Variants in MAML3 observed in about 807,000 individuals in gnomAD.
The protein encoded by MAML3 is mastermind-like protein 3.
MAML3 carries 27 observed loss-of-function variants against 101.9 expected under a neutral mutation model. The ratio of observed to expected loss-of-function variants is 0.27; its 90% CI spans 0.20 to 0.37. The LOEUF is 0.37. MAML3 is among the 10% of genes least tolerant of loss of function. MAML3 has a pLI of 1.00. For missense variants in MAML3, 1,316 were observed against 1,444.9 expected, an observed-to-expected ratio of 0.91 and a Z score of 1.45; for synonymous variants, 501 against 555.9, an observed-to-expected ratio of 0.90 and a Z score of 1.39.
At chr4:140,070,962 G>A (rs546126514) in intron 1 of MAML3, among the ~76,000 whole-genome samples, 1 of 152,298 alleles carries the variant, frequency 6.6e-6, no homozygotes, top group African/African-American at 2.4e-5. Context: ...GCAATGTGGC[G>A]CTGGGGTCTT....
chr4:139,730,329 G>T, intron 3 of MAML3, 87 bp downstream of exon 3: 1 of 1,200,424 alleles, frequency 8.3e-7, no homozygotes, highest in South Asian at 1.4e-5. Flanking sequence ...TGGAGGATGT[G>T]AACTGCCACT....
intron 2 of MAML3, among the ~76,000 whole-genome samples, chr4:139,755,656 AAGAAAG>A: frequency 6.6e-6 from 1 of 152,178 alleles, no homozygotes; most frequent in East Asian, 1.9e-4. Context: ...ACAGCAGAAA[AAGAAAG>A]AGAAAGAGTG....
intron 2 of MAML3, among the ~76,000 whole-genome samples, chr4:139,819,967 C>T (rs1263352273): frequency 6.6e-6 from 1 of 152,186 alleles, no homozygotes; most frequent in Non-Finnish European, 1.5e-5. Context: ...CTCATTCAGG[C>T]AATGGTGCTG....
chr4:139,860,816 G>T (rs979904043), intron 2 of MAML3, among the ~76,000 whole-genome samples: 1 of 152,042 alleles, frequency 6.6e-6, no homozygotes. Flanking sequence ...TGTGGTGGAC[G>T]GATACTGCTC....
intron 1 of MAML3, among the ~76,000 whole-genome samples, chr4:140,070,358 G>A (rs1727628526): frequency 2.0e-5 from 3 of 152,172 alleles, no homozygotes; most frequent in Admixed American, 2.0e-4. Context: ...GAGGCCTACA[G>A]ACAATCTCAT....
chr4:140,134,435 C>G (rs1728848982), intron 1 of MAML3: 1 of 455,968 alleles, frequency 2.2e-6, no homozygotes, highest in Non-Finnish European at 4.4e-6. Context: ...AATGCTACAG[C>G]AAGTGCATAT....
intron 1 of MAML3, among the ~76,000 whole-genome samples, chr4:139,918,551 C>T (rs528137340): frequency 4.2e-4 from 64 of 152,298 alleles, no homozygotes; most frequent in African/African-American, 1.4e-3. Context: ...TTATCGTGTC[C>T]TTCTGTTTTG....
intron 1 of MAML3, among the ~76,000 whole-genome samples, chr4:139,998,919 T>TG (rs968369890): frequency 1.3e-5 from 2 of 152,208 alleles, no homozygotes; most frequent in Non-Finnish European, 2.9e-5. Context: ...GGCCAATGAT[T>TG]GGACACAAAT....
chr4:140,134,561 G>T, intron 1 of MAML3: 1 of 347,304 alleles, frequency 2.9e-6, no homozygotes, highest in Non-Finnish European at 5.7e-6. Context: ...CCCTTGCAGA[G>T]CCCAGTGTTA....
At chr4:139,756,686 C>T (rs1729657696) in intron 2 of MAML3, among the ~76,000 whole-genome samples, 2 of 152,188 alleles carry the variant, frequency 1.3e-5, no homozygotes, top group Admixed American at 1.3e-4. Flanking sequence ...GCACCTTCCC[C>T]CTACATTCTC....
intron 1 of MAML3, among the ~76,000 whole-genome samples, chr4:139,930,128 T>G (rs1418585171): frequency 1.3e-5 from 2 of 152,156 alleles, no homozygotes; most frequent in Non-Finnish European, 2.9e-5. Context: ...CCCACAGAAT[T>G]ATAGATAATT....
In MAML3 at chr4:139,720,041, G is replaced by A. The variant is rs747826546; in HGVS notation, c.2699C>T (p.Pro900Leu). Residue 900 changes from proline (P) to leucine (L), a missense_variant, in exon 5 of 5, where the codon CCG (proline) becomes CTG (leucine). Physicochemically the swap from Pro to Leu is moderately conservative, Grantham distance 98. Transcript: ENST00000509479. Reference sequence around the variant, plus strand: ...CCCCTGCCCAGAGGCAGGTTGCCTCGGTCCCTGGGCTTGGTTATGTGTGAT... The same window carrying A: ...CCCCTGCCCAGAGGCAGGTTGCCTCAGTCCCTGGGCTTGGTTATGTGTGAT... ...MSITHNQAQGPRQPASGQGVG... is the reference protein window; with the variant it reads ...MSITHNQAQGLRQPASGQGVG... 2.5e-5 allele frequency: 41 copies of A among 1,613,944 alleles called. No individual in the cohort carries two copies. Among genetic ancestry groups the A allele is most frequent in the Admixed American group, 1.5e-4 (9 of 60,016 alleles).
chr4:140,135,952 A>G (rs1033983124), intron 1 of MAML3, among the ~76,000 whole-genome samples: 1 of 152,166 alleles, frequency 6.6e-6, no homozygotes, highest in African/African-American at 2.4e-5. Context: ...TTTTCATAAC[A>G]AAGAGTAATG....
intron 4 of MAML3, 39 bp downstream of exon 4, chr4:139,725,712 C>T (rs1579362784): frequency 1.1e-5 from 17 of 1,589,860 alleles, no homozygotes; most frequent in Non-Finnish European, 1.3e-5. Flanking sequence ...CGCTTCACCA[C>T]TGGAAGGTAT....
At chr4:139,905,482 ACT>A (rs1437522882) in intron 1 of MAML3, among the ~76,000 whole-genome samples, 1 of 105,612 alleles carries the variant, frequency 9.5e-6, no homozygotes, top group Non-Finnish European at 1.8e-5. Context: ...GCAGAGCAAG[ACT>A]CTGTCTCAAA....
intron 1 of MAML3, among the ~76,000 whole-genome samples, chr4:140,081,097 T>C (rs1239030216): frequency 6.6e-6 from 1 of 152,188 alleles, no homozygotes; most frequent in Non-Finnish European, 1.5e-5. Flanking sequence ...TTACTTTCTG[T>C]TTGAATATCT....
At chr4:139,962,874 G>A (rs1185778932) in intron 1 of MAML3, among the ~76,000 whole-genome samples, 1 of 151,078 alleles carries the variant, frequency 6.6e-6, no homozygotes, top group Non-Finnish European at 1.5e-5. Flanking sequence ...CTTGTTACAT[G>A]GGGGAATGCC....
At chr4:139,974,130 G>T (rs946881296) in intron 1 of MAML3, among the ~76,000 whole-genome samples, 1 of 140,856 alleles carries the variant, frequency 7.1e-6, no homozygotes, top group African/African-American at 2.7e-5. Context: ...TTTTGAGACA[G>T]AGTCTCGCTC....
intron 2 of MAML3, among the ~76,000 whole-genome samples, chr4:139,750,550 C>G (rs1351453565): frequency 6.6e-6 from 1 of 152,166 alleles, no homozygotes; most frequent in Non-Finnish European, 1.5e-5. Context: ...TGAGCTGTAT[C>G]TGAACCATAT....
Sources: gnomAD v4.1 joint callset for allele counts (sites outside exome capture counted in the v4.1 genomes callset) on GRCh38, gnomAD v4.1.1 for gene constraint, MANE v1.5 for transcripts, NCBI Gene and HGNC (gene_info 2026-07-23, HGNC 2026-07-21) for gene names.